CAPRIN1: variants seen among roughly 807,000 people sequenced by gnomAD.
CAPRIN1 encodes cell cycle associated protein 1.
In CAPRIN1, 29 loss-of-function variants were observed where a neutral mutation model predicts 100.9. The ratio of observed to expected loss-of-function variants is 0.29; its 90% CI spans 0.21 to 0.39. CAPRIN1 has a LOEUF of 0.39. Among genes scored for constraint, CAPRIN1 ranks in the 10% least tolerant of loss-of-function variants. CAPRIN1 has a pLI of 1.00. For synonymous variants in CAPRIN1, 338 were observed against 307.5 expected (o/e 1.10, Z -1.04); for missense variants, 795 against 876.7 (o/e 0.91, Z 1.18).
At chr11:34,084,243 T>G (rs1388363281) in intron 9 of CAPRIN1, among the ~76,000 whole-genome samples, 1 of 152,128 alleles carries the variant, frequency 6.6e-6, no homozygotes, top group Non-Finnish European at 1.5e-5. Flanking sequence ...CATGAGCCAC[T>G]GCGCCTGGCC....
In CAPRIN1 at chr11:34,086,089, C is replaced by T; in HGVS notation, c.992C>T (p.Pro331Leu). Residue 331 changes from proline (P) to leucine (L), a missense_variant, in exon 10 of 19, where the codon CCT becomes CTT. Pro to Leu is a moderately conservative substitution (Grantham distance 98, BLOSUM62 -3). Coordinates refer to ENST00000341394, the MANE Select transcript of CAPRIN1 (RefSeq NM_005898.5). Reference sequence around the variant, plus strand: ...GTGGTAAATTCACTCCAGCAGCAACCTCAGGCTGCATCCCCTTCAGTACCA... The same window carrying T: ...GTGGTAAATTCACTCCAGCAGCAACTTCAGGCTGCATCCCCTTCAGTACCA... ...VEVVNSLQQQ[P>L]QAASPSVPEP... 1 of 1,614,044 alleles carries T rather than the reference C, an allele frequency of 6.2e-7. No individual in the cohort carries two copies. The highest frequency in any genetic ancestry group is 1.1e-5 in the South Asian group (1 of 91,074).
intron 2 of CAPRIN1, among the ~76,000 whole-genome samples, chr11:34,071,385 A>G (rs1850802081): frequency 6.6e-6 from 1 of 152,124 alleles, no homozygotes; most frequent in South Asian, 2.1e-4. Context: ...CCACATGGTG[A>G]AACCCTGTCT....
chr11:34,086,896 GC>G (rs1265714011), intron 11 of CAPRIN1, among the ~76,000 whole-genome samples: 2 of 152,162 alleles, frequency 1.3e-5, no homozygotes, highest in African/African-American at 4.8e-5. Flanking sequence ...TAATAGAGGT[GC>G]CTTTTTTTGA....
intron 11 of CAPRIN1, among the ~76,000 whole-genome samples, chr11:34,088,026 TCTCG>T (rs1299467316): frequency 6.6e-6 from 1 of 152,178 alleles, no homozygotes; most frequent in Non-Finnish European, 1.5e-5. Context: ...AGAGACGCAG[TCTCG>T]CTCTATCGCC....
At chr11:34,089,586 G>T in intron 12 of CAPRIN1, 130 bp downstream of exon 12, 1 of 442,720 alleles carries the variant, frequency 2.3e-6, no homozygotes, top group Non-Finnish European at 4.1e-6. Context: ...GGGCAGTGTA[G>T]CGAGACACCA....
chr11:34,053,783 G>C (rs1304714195), intron 2 of CAPRIN1: 1 of 152,200 alleles, frequency 6.6e-6, no homozygotes, highest in Non-Finnish European at 1.5e-5. Flanking sequence ...TCTGGGCAGA[G>C]TGAATAATTA....
intron 15 of CAPRIN1, among the ~76,000 whole-genome samples, chr11:34,093,852 C>T (rs1330410992): frequency 6.6e-6 from 1 of 151,442 alleles, no homozygotes; most frequent in African/African-American, 2.4e-5. Context: ...AGGCTGGTCT[C>T]GAACACCAGT....
At chr11:34,096,453 A>C in intron 15 of CAPRIN1, 26 bp from the exon 16 acceptor site, 2 of 1,571,796 alleles carry the variant, frequency 1.3e-6, no homozygotes, top group South Asian at 1.1e-5. Flanking sequence ...GTTTATGTAT[A>C]TATCTTTTTC....
At chr11:34,084,577 G>A (rs994333099) in intron 9 of CAPRIN1, among the ~76,000 whole-genome samples, 11 of 152,114 alleles carry the variant, frequency 7.2e-5, no homozygotes, top group African/African-American at 2.7e-4. Flanking sequence ...ATGTATCTGC[G>A]GGACCCACAT....
At chr11:34,072,636 A>C (rs991953707) in intron 4 of CAPRIN1, among the ~76,000 whole-genome samples, 11 of 152,210 alleles carry the variant, frequency 7.2e-5, no homozygotes, top group African/African-American at 2.4e-4. Flanking sequence ...CCAACTTAAT[A>C]GTGGGTTTTT....
intron 2 of CAPRIN1, among the ~76,000 whole-genome samples, chr11:34,058,972 T>G (rs1850515618): frequency 6.6e-6 from 1 of 152,192 alleles, no homozygotes; most frequent in Non-Finnish European, 1.5e-5. Context: ...GAATGGTGTG[T>G]GTGTATACAG....
At chr11:34,052,271 C>T (rs1054736666) in intron 1 of CAPRIN1, 150 bp from the exon 2 acceptor site, 4 of 640,558 alleles carry the variant, frequency 6.2e-6, no homozygotes, top group Non-Finnish European at 1.0e-5. Context: ...ACTCTTCCTG[C>T]CCTCGAGGCG....
chr11:34,100,245 G>A lies in CAPRIN1; in HGVS notation c.*878G>A, dbSNP rs1203936508. ...ACTAATCCTTGGATTTTGCTGTATTGTCACCTAAATTGGTACAGGTACTGA... is the reference window on the plus strand; with the variant it reads ...ACTAATCCTTGGATTTTGCTGTATTATCACCTAAATTGGTACAGGTACTGA... On this transcript the variant is annotated 3_prime_UTR_variant, in exon 19 of 19. Transcript: ENST00000341394. The A allele has an allele frequency of 1.3e-5, 2 of 151,992 alleles. No homozygotes were observed. The highest frequency in any genetic ancestry group is 3.9e-4 in the East Asian group (2 of 5,194). The allele number at this position is 151,992 out of a possible 1,614,324, so 9.4% of individuals were successfully genotyped here. A position where few individuals can be genotyped will look rare whatever the true frequency, so the allele number is the denominator to read the frequency against.
chr11:34,072,669 A>C (rs925199724), intron 4 of CAPRIN1, among the ~76,000 whole-genome samples: 1 of 152,196 alleles, frequency 6.6e-6, no homozygotes, highest in Non-Finnish European at 1.5e-5. Flanking sequence ...ACCTTTGGGA[A>C]TAAGGACAAA....
intron 9 of CAPRIN1, among the ~76,000 whole-genome samples, chr11:34,083,800 G>T (rs1490287927): frequency 1.3e-5 from 2 of 152,160 alleles, no homozygotes; most frequent in African/African-American, 4.8e-5. Context: ...GGGCACGGTG[G>T]TTCATGCCTG....
At chr11:34,066,004 C>G (rs1219488690) in intron 2 of CAPRIN1, among the ~76,000 whole-genome samples, 4 of 152,036 alleles carry the variant, frequency 2.6e-5, no homozygotes, top group African/African-American at 9.7e-5. Context: ...TTCTTTTGAT[C>G]TCACTCTTGG....
At chr11:34,054,240 C>A (rs1455590068) in intron 2 of CAPRIN1, among the ~76,000 whole-genome samples, 1 of 151,988 alleles carries the variant, frequency 6.6e-6, no homozygotes, top group Admixed American at 6.5e-5. Context: ...TTTCCCAATC[C>A]TTTATTTTGA....
chr11:34,093,456 A>G (rs984389756), intron 15 of CAPRIN1, among the ~76,000 whole-genome samples: 2 of 152,162 alleles, frequency 1.3e-5, no homozygotes, highest in Non-Finnish European at 1.5e-5. Flanking sequence ...GAATCCCACA[A>G]CAAACCAGCA....
chr11:34,061,283 T>C (rs903571978), intron 2 of CAPRIN1, among the ~76,000 whole-genome samples: 1 of 147,836 alleles, frequency 6.8e-6, no homozygotes, highest in African/African-American at 2.5e-5. Flanking sequence ...CTCAGCTCAC[T>C]GCAACCTCTG....
Sources: gnomAD v4.1 joint callset for allele counts (sites outside exome capture counted in the v4.1 genomes callset) on GRCh38, gnomAD v4.1.1 for gene constraint, MANE v1.5 for transcripts, NCBI Gene and HGNC (gene_info 2026-07-23, HGNC 2026-07-21) for gene names.